Variants in FBXO7 observed in about 807,000 individuals in gnomAD.
The protein encoded by FBXO7 is F-box protein 7.
FBXO7 carries 31 observed loss-of-function variants against 50.2 expected under a neutral mutation model. The ratio of observed to expected loss-of-function variants is 0.62; its 90% CI spans 0.46 to 0.83. The LOEUF (loss-of-function observed/expected upper bound fraction) is 0.83, where lower values mean the gene tolerates loss of function less well. Ranked by LOEUF, FBXO7 falls within the 40% of genes least tolerant of loss-of-function variation. FBXO7 has a pLI of 0.00. For synonymous variants in FBXO7, 256 were observed against 253.1 expected (o/e 1.01, Z -0.11); for missense variants, 667 against 646.6 (o/e 1.03, Z -0.34).
At chr22:32,485,234 T>A in intron 4 of FBXO7, 25 bp downstream of exon 4, 1 of 1,613,970 alleles carries the variant, frequency 6.2e-7, no homozygotes, top group Non-Finnish European at 8.5e-7. Context: ...TAGTCATGGT[T>A]GCTGGTTTAT....
chr22:32,493,236 A>G lies in FBXO7; in HGVS notation c.1099A>G (p.Asn367Asp), dbSNP rs563829719. The G allele has an allele frequency of 1.9e-6, 3 of 1,614,100 alleles. No homozygotes were observed. The highest frequency in any genetic ancestry group is 1.7e-5 in the Admixed American group (1 of 60,024). The change falls in exon 7 of 9, where the codon AAT (asparagine) becomes GAT (aspartate). Residue 367 changes from asparagine to aspartate, a missense_variant. By Grantham distance (23) the Asn-to-Asp change is conservative. Transcript: ENST00000266087. ...AVCRDLFTASNDPLLWRFLYL... is the reference protein window; with the variant it reads ...AVCRDLFTASDDPLLWRFLYL... ...TTGTCGTGACCTCTTTACTGCTTCA[A>G]ATGACCCACTCCTGTGGAGGTTTTT...
At chr22:32,492,294 T>C (rs980940897) in intron 6 of FBXO7, 4 of 152,240 alleles carry the variant, frequency 2.6e-5, no homozygotes, top group African/African-American at 7.2e-5. Flanking sequence ...ACAGTAGTCT[T>C]CTCTGTAGTT....
At chr22:32,483,532 A>G (rs1412721891) in intron 2 of FBXO7, among the ~76,000 whole-genome samples, 2 of 152,234 alleles carry the variant, frequency 1.3e-5, no homozygotes, top group African/African-American at 4.8e-5. Flanking sequence ...ATGTCGGGAA[A>G]TAAATGATGA....
rs1249945609 is a variant in FBXO7 at position 32,493,190 on chromosome 22, C to T, written c.1053C>T (p.Ser351=). The change falls in exon 7 of 9, where the codon TCC becomes TCT. Residue 351 remains serine, a synonymous_variant. Transcript: ENST00000266087. ...TCTTCCGACTTCTGGATGTTCGTTC[C>T]GTCTTGTCTTTGTCTGCGGTTTGTC... ...LRIFRLLDVR[S]VLSLSAVCRD... is the part of the protein sequence containing the mutation. 9.9e-6 allele frequency: 16 copies of T among 1,614,010 alleles called. 1 individual carries two copies. The highest frequency in any genetic ancestry group is 2.7e-5 in the African/African-American group (2 of 74,914).
chr22:32,489,171 A>T (rs916006514), intron 5 of FBXO7: 1 of 152,136 alleles, frequency 6.6e-6, no homozygotes, highest in Non-Finnish European at 1.5e-5. Context: ...CTCACTTCCC[A>T]AAGGAGCCGT....
intron 1 of FBXO7, among the ~76,000 whole-genome samples, chr22:32,476,259 A>AGT (rs370463925): frequency 8.7e-5 from 13 of 149,366 alleles, no homozygotes; most frequent in African/African-American, 3.1e-4. Context: ...CATTATAGTA[A>AGT]GTGACATGCC....
intron 8 of FBXO7, among the ~76,000 whole-genome samples, chr22:32,496,246 C>T (rs1196367665): frequency 2.0e-5 from 3 of 152,040 alleles, no homozygotes; most frequent in Non-Finnish European, 2.9e-5. Flanking sequence ...TTTGGGAGGC[C>T]GAAGTGGGCG....
chr22:32,495,381 T>C lies in FBXO7; in HGVS notation c.1145-112T>C, dbSNP rs111356060. On this transcript the variant is annotated intron_variant, in intron 7 of 8. Coordinates refer to ENST00000266087, the MANE Select transcript of FBXO7 (RefSeq NM_012179.4). ...TATAAATGGTTAGTTTTTTTTTTTT[T>C]TTATGCTTAACGGGTAAGTTTCACT... is the stretch of plus-strand genomic sequence containing the variant. The C allele has an allele frequency of 2.6e-3, 1,572 of 608,656 alleles. 4 individuals carry two copies. The highest frequency in any genetic ancestry group is 7.2e-3 in the African/African-American group (378 of 52,864). The allele number at this position is 608,656 out of a possible 1,614,324, so 37.7% of individuals were successfully genotyped here.
At chr22:32,494,091 G>A (rs1307574410) in intron 7 of FBXO7, among the ~76,000 whole-genome samples, 1 of 135,820 alleles carries the variant, frequency 7.4e-6, no homozygotes, top group Admixed American at 7.7e-5. Context: ...AAAATGTGGT[G>A]GGTAGATAGC....
chr22:32,478,984 T>A lies in FBXO7; in HGVS notation c.126T>A (p.Ser42=). ...QSLLCTWGYS[S]NTRFTITLNY... ...GCTTATCTGTCTTTCTTGGCAGTTC[T>A]AATACCCGATTTACAATTACATTGA... Residue 42 remains serine (S), a synonymous_variant, in exon 2 of 9, where the codon TCT becomes TCA. Coordinates refer to ENST00000266087, the MANE Select transcript of FBXO7 (RefSeq NM_012179.4). The A allele has an allele frequency of 6.2e-7, 1 of 1,614,218 alleles. No individual in the cohort carries two copies. Among genetic ancestry groups the A allele is most frequent in the Non-Finnish European group, 8.5e-7 (1 of 1,180,008 alleles).
At chr22:32,485,296 C>T in intron 4 of FBXO7, 87 bp downstream of exon 4, 1 of 1,514,234 alleles carries the variant, frequency 6.6e-7, no homozygotes, top group Non-Finnish European at 9.2e-7. Flanking sequence ...CAGTGATTGG[C>T]TATCATGATA....
chr22:32,483,674 C>A (rs894046526), intron 2 of FBXO7, among the ~76,000 whole-genome samples: 26 of 152,066 alleles, frequency 1.7e-4, no homozygotes, highest in Non-Finnish European at 3.8e-4. Context: ...AGGATGATTT[C>A]CAGGTTCTTG....
chr22:32,490,987 G>A, intron 5 of FBXO7, 99 bp from the exon 6 acceptor site: 1 of 824,450 alleles, frequency 1.2e-6, no homozygotes, highest in Non-Finnish European at 2.1e-6. Context: ...TGAATTATTT[G>A]TGAATATTTA....
chr22:32,483,558 A>G (rs558601002), intron 2 of FBXO7, among the ~76,000 whole-genome samples: 22 of 152,338 alleles, frequency 1.4e-4, no homozygotes, highest in East Asian at 3.9e-4. Flanking sequence ...TGAAGTGCCA[A>G]TAGAGCAGGA....
Position 32,475,486 on chromosome 22 carries a change from G to C in FBXO7, c.122+362G>C, listed in dbSNP as rs560351483. On this transcript the variant is annotated intron_variant, in intron 1 of 8. Coordinates refer to ENST00000266087, the MANE Select transcript of FBXO7 (RefSeq NM_012179.4). Reference sequence around the variant, plus strand: ...CCACAACTGGTTAGATTTCAAGTTGGAAATGATGAGCTTGGCTTGGGTTAA... The same window carrying C: ...CCACAACTGGTTAGATTTCAAGTTGCAAATGATGAGCTTGGCTTGGGTTAA... 9.9e-5 allele frequency: 152 copies of C among 1,534,916 alleles called. 1 individual carries two copies. In the South Asian group the frequency reaches 1.7e-3, roughly 17 times the overall value.
chr22:32,488,179 T>G (rs1275550560), intron 5 of FBXO7: 1 of 196,602 alleles, frequency 5.1e-6, no homozygotes, highest in Non-Finnish European at 1.0e-5. Context: ...TTAACCAATA[T>G]GGAGGGGATC....
Position 32,493,224 on chromosome 22 carries a change from T to C in FBXO7, c.1087T>C (p.Phe363Leu), listed in dbSNP as rs1844695465. ...LSLSAVCRDL[F>L]TASNDPLLWR... Reference sequence around the variant, plus strand: ...TTTGTCTGCGGTTTGTCGTGACCTCTTTACTGCTTCAAATGACCCACTCCT... The same window carrying C: ...TTTGTCTGCGGTTTGTCGTGACCTCCTTACTGCTTCAAATGACCCACTCCT... The change falls in exon 7 of 9, where the codon TTT becomes CTT. Residue 363 changes from phenylalanine (F) to leucine (L), a missense_variant. Physicochemically the swap from Phe to Leu is conservative, Grantham distance 22. Coordinates refer to ENST00000266087, the MANE Select transcript of FBXO7 (RefSeq NM_012179.4). The C allele has an allele frequency of 6.2e-7, 1 of 1,614,210 alleles. No individual in the cohort carries two copies. Among genetic ancestry groups the C allele is most frequent in the Non-Finnish European group, 8.5e-7 (1 of 1,180,006 alleles).
At chr22:32,481,035 G>A (rs966344762) in intron 2 of FBXO7, among the ~76,000 whole-genome samples, 1 of 152,070 alleles carries the variant, frequency 6.6e-6, no homozygotes, top group Non-Finnish European at 1.5e-5. Flanking sequence ...CAATACACAT[G>A]CCTTCTTGTT....
intron 4 of FBXO7, among the ~76,000 whole-genome samples, chr22:32,486,235 G>GT (rs11454552): frequency 0.42 from 63,181 of 148,906 alleles, 13,646 homozygotes; most frequent in East Asian, 0.69. Context: ...AAAAATGTTG[G>GT]TTTTTTTTTT....
Sources: gnomAD v4.1 joint callset for allele counts (sites outside exome capture counted in the v4.1 genomes callset) on GRCh38, gnomAD v4.1.1 for gene constraint, MANE v1.5 for transcripts, NCBI Gene and HGNC (gene_info 2026-07-23, HGNC 2026-07-21) for gene names.